The following REPS1 variants were observed in gnomAD, a reference collection of about 807,000 sequenced individuals.
The protein encoded by REPS1 is ralBP1-associated Eps domain-containing protein 1.
A neutral mutation model predicts 100.9 loss-of-function variants in REPS1; 39 were observed. That is an observed-to-expected ratio of 0.39 (90% CI 0.30 to 0.50). The LOEUF is 0.50. REPS1 is among the 20% of genes least tolerant of loss of function. The probability of loss-of-function intolerance (pLI) is 0.86; values close to 1 mark genes in which losing one functional copy is unlikely to be tolerated. For synonymous variants in REPS1, 324 were observed against 340.3 expected, an observed-to-expected ratio of 0.95 and a Z score of 0.53; for missense variants, 821 against 968.5, an observed-to-expected ratio of 0.85 and a Z score of 2.02.
At chr6:138,969,345 G>T (rs1163787078) in intron 1 of REPS1, among the ~76,000 whole-genome samples, 1 of 141,806 alleles carries the variant, frequency 7.1e-6, no homozygotes, top group Non-Finnish European at 1.5e-5. Flanking sequence ...AGGCTGGAGT[G>T]CAGTGGTGCA....
intron 8 of REPS1, among the ~76,000 whole-genome samples, chr6:138,936,962 C>A (rs1781888357): frequency 6.6e-6 from 1 of 151,970 alleles, no homozygotes; most frequent in Admixed American, 6.5e-5. Flanking sequence ...AAAGACATAC[C>A]AAGACTGGGC....
intron 13 of REPS1, 102 bp downstream of exon 13, chr6:138,917,453 G>T: frequency 3.4e-6 from 3 of 881,804 alleles, no homozygotes; most frequent in Non-Finnish European, 3.6e-6. Flanking sequence ...TAACCTAACA[G>T]CTTTCAGAGA....
chr6:138,925,777 T>G (rs773868627), intron 10 of REPS1, among the ~76,000 whole-genome samples: 1 of 152,204 alleles, frequency 6.6e-6, no homozygotes, highest in Admixed American at 6.5e-5. Context: ...GTAGCATATA[T>G]TAAATTAACT....
At chr6:138,958,561 G>A (rs755041720) in intron 1 of REPS1, among the ~76,000 whole-genome samples, 7 of 151,852 alleles carry the variant, frequency 4.6e-5, no homozygotes, top group Non-Finnish European at 7.4e-5. Context: ...GTGTTCTCAC[G>A]GTTCAACTCC....
chr6:138,964,319 C>T (rs975699366), intron 1 of REPS1, among the ~76,000 whole-genome samples: 1 of 152,060 alleles, frequency 6.6e-6, no homozygotes, highest in Non-Finnish European at 1.5e-5. Context: ...AGGTCTTTCC[C>T]CCAACACTAT....
chr6:138,932,475 AT>A (rs1363006982), intron 8 of REPS1, among the ~76,000 whole-genome samples: 9 of 146,182 alleles, frequency 6.2e-5, no homozygotes, highest in African/African-American at 2.3e-4. Flanking sequence ...CCCCACATAC[AT>A]AAGCATTAAA....
intron 10 of REPS1, among the ~76,000 whole-genome samples, chr6:138,923,732 T>C (rs1010629100): frequency 1.3e-5 from 2 of 152,186 alleles, no homozygotes; most frequent in African/African-American, 4.8e-5. Context: ...TAACTAACCA[T>C]CTGGTTTGCA....
intron 19 of REPS1, among the ~76,000 whole-genome samples, chr6:138,906,762 A>C (rs749012303): frequency 2.2e-4 from 33 of 152,342 alleles, no homozygotes; most frequent in Non-Finnish European, 4.1e-4. Context: ...GAAATGCAGA[A>C]TTCCCAGGTC....
At chr6:138,952,772 T>C (rs1783118090) in intron 1 of REPS1, among the ~76,000 whole-genome samples, 1 of 151,810 alleles carries the variant, frequency 6.6e-6, no homozygotes, top group Non-Finnish European at 1.5e-5. Flanking sequence ...CAATAAACAG[T>C]GCTGGGAAAA....
intron 1 of REPS1, among the ~76,000 whole-genome samples, chr6:138,973,091 A>G (rs1055608296): frequency 6.6e-6 from 1 of 152,226 alleles, no homozygotes. Context: ...GGAAACAGAT[A>G]CACAGGAAGA....
chr6:138,916,217 T>TC (rs1491408980), intron 13 of REPS1: 21 of 325,066 alleles, frequency 6.5e-5, no homozygotes, highest in Admixed American at 5.3e-4. Context: ...TTTCTTTTTT[T>TC]CTTTTTTTTT....
chr6:138,936,241 A>G (rs1239448775), intron 8 of REPS1, among the ~76,000 whole-genome samples: 1 of 152,060 alleles, frequency 6.6e-6, no homozygotes, highest in African/African-American at 2.4e-5. Flanking sequence ...CACCCAGGCT[A>G]AAGTGCAGTG....
intron 10 of REPS1, among the ~76,000 whole-genome samples, 168 bp downstream of exon 10, chr6:138,926,233 T>C (rs1211870270): frequency 6.6e-6 from 1 of 152,116 alleles, no homozygotes; most frequent in African/African-American, 2.4e-5. Flanking sequence ...AAAAAAGGAA[T>C]GGCAAAAAAT....
At chr6:138,931,842 A>T (rs1221266517) in intron 8 of REPS1, among the ~76,000 whole-genome samples, 3 of 152,186 alleles carry the variant, frequency 2.0e-5, no homozygotes, top group Non-Finnish European at 4.4e-5. Context: ...ATTTGACAAT[A>T]TACTGAAAGT....
intron 9 of REPS1, 160 bp downstream of exon 9, chr6:138,929,817 C>A (rs976704599): frequency 1.5e-6 from 1 of 668,866 alleles, no homozygotes; most frequent in Non-Finnish European, 2.4e-6. Flanking sequence ...TTGAAAACCT[C>A]GAAAAAGTCA....
At chr6:138,944,693 A>G in intron 4 of REPS1, 71 bp from the exon 5 acceptor site, 1 of 1,437,028 alleles carries the variant, frequency 7.0e-7, no homozygotes, top group Admixed American at 2.2e-5. Context: ...TTTCTTTCCA[A>G]CTCTTACTCT....
intron 1 of REPS1, among the ~76,000 whole-genome samples, chr6:138,965,840 C>T (rs538096253): frequency 1.3e-5 from 2 of 152,086 alleles, no homozygotes; most frequent in African/African-American, 4.8e-5. Flanking sequence ...ATAATCAAAC[C>T]TCTCTTTTCT....
chr6:138,919,440 C>A (rs1191999248), intron 12 of REPS1, among the ~76,000 whole-genome samples: 1 of 152,198 alleles, frequency 6.6e-6, no homozygotes, highest in Non-Finnish European at 1.5e-5. Context: ...TCATGTCACT[C>A]CTCCATTCAA....
chr6:138,974,329 C>T (rs999063431), intron 1 of REPS1, among the ~76,000 whole-genome samples: 2 of 151,982 alleles, frequency 1.3e-5, no homozygotes, highest in South Asian at 2.1e-4. Flanking sequence ...TGAAATGGCA[C>T]GCTTATTACA....
Sources: allele counts gnomAD v4.1 joint callset (sites outside exome capture counted in the v4.1 genomes callset), GRCh38; gene constraint gnomAD v4.1.1; transcripts MANE v1.5; gene names NCBI Gene and HGNC (gene_info 2026-07-23, HGNC 2026-07-21).